Variants in NOL4 observed in about 807,000 individuals in gnomAD.
NOL4 encodes the protein nucleolar protein 4, also known as cancer/testis antigen 125.
A neutral mutation model predicts 75.9 loss-of-function variants in NOL4; 17 were observed. The ratio of observed to expected loss-of-function variants is 0.22; its 90% CI spans 0.15 to 0.34. The LOEUF (loss-of-function observed/expected upper bound fraction) is 0.34. Ranked by LOEUF, NOL4 falls within the 10% of genes least tolerant of loss-of-function variation. The pLI is 1.00. For synonymous variants in NOL4, 292 were observed against 289.9 expected (o/e 1.01, Z -0.07); for missense variants, 614 against 793.5 (o/e 0.77, Z 2.72).
At chr18:34,173,594 AT>A (rs1346829824) in intron 1 of NOL4, among the ~76,000 whole-genome samples, 1 of 152,164 alleles carries the variant, frequency 6.6e-6, no homozygotes, top group Non-Finnish European at 1.5e-5. Flanking sequence ...ATGAAAATAA[AT>A]AAGTAAGGAA....
At chr18:33,921,618 A>G (rs1203605237) in intron 9 of NOL4, among the ~76,000 whole-genome samples, 1 of 152,180 alleles carries the variant, frequency 6.6e-6, no homozygotes, top group Non-Finnish European at 1.5e-5. Context: ...GCCAAAAACC[A>G]AGGAATGTCT....
At chr18:33,883,549 T>A (rs906685651) in intron 9 of NOL4, 125 bp from the exon 10 acceptor site, 8 of 598,978 alleles carry the variant, frequency 1.3e-5, no homozygotes, top group Non-Finnish European at 2.0e-5. Flanking sequence ...GAATGTTAAG[T>A]AAGCACAGAT....
chr18:34,034,212 G>A (rs2075776691), intron 5 of NOL4, among the ~76,000 whole-genome samples: 1 of 151,992 alleles, frequency 6.6e-6, no homozygotes. Context: ...AAAAATAAAG[G>A]AACAAAGAAT....
intron 5 of NOL4, among the ~76,000 whole-genome samples, chr18:34,078,666 ATTAC>A (rs1197771453): frequency 6.6e-6 from 1 of 152,228 alleles, no homozygotes; most frequent in African/African-American, 2.4e-5. Context: ...TAATTCAATA[ATTAC>A]TTACATGGGA....
Position 33,862,473 on chromosome 18 carries a change from G to A in NOL4, c.1724-9438C>T, listed in dbSNP as rs532297136. 3.9e-5 allele frequency among the ~76,000 whole-genome samples: 6 copies of A among 152,226 alleles called. No homozygotes were observed. In the East Asian group the frequency reaches 1.2e-3, roughly 29 times the overall value. On this transcript the variant is annotated intron_variant, in intron 10 of 10. Transcript: ENST00000261592. ...CACAGCAAAAGAAACTACCATCAGAGTGAACCGGCAACGCACAAAATGGGA... is the reference window on the plus strand; with the variant it reads ...CACAGCAAAAGAAACTACCATCAGAATGAACCGGCAACGCACAAAATGGGA...
chr18:33,887,086 A>ATTTT (rs1235305433), intron 9 of NOL4, among the ~76,000 whole-genome samples: 2 of 140,660 alleles, frequency 1.4e-5, no homozygotes, highest in African/African-American at 5.2e-5. Flanking sequence ...ATCTATATAT[A>ATTTT]TTAGATATAG....
intron 1 of NOL4, among the ~76,000 whole-genome samples, chr18:34,176,540 A>G (rs1478267545): frequency 6.6e-6 from 1 of 152,098 alleles, no homozygotes; most frequent in Non-Finnish European, 1.5e-5. Context: ...TCATATGTTG[A>G]AGCCCTAACC....
intron 1 of NOL4, among the ~76,000 whole-genome samples, chr18:34,179,474 T>C (rs1294484800): frequency 6.6e-6 from 1 of 151,302 alleles, no homozygotes; most frequent in Admixed American, 6.6e-5. Flanking sequence ...CTAGAATAAA[T>C]TATTTTTAAA....
At chr18:33,887,546 T>C (rs536613464) in intron 9 of NOL4, among the ~76,000 whole-genome samples, 2 of 152,016 alleles carry the variant, frequency 1.3e-5, no homozygotes, top group Non-Finnish European at 2.9e-5. Flanking sequence ...CATTAGGTAT[T>C]TCTCCTAATG....
intron 1 of NOL4, among the ~76,000 whole-genome samples, chr18:34,188,167 C>T (rs1382306819): frequency 7.2e-5 from 11 of 152,056 alleles, no homozygotes. Context: ...ATCTTTTTGT[C>T]ATTAACTGAA....
intron 6 of NOL4, among the ~76,000 whole-genome samples, chr18:34,007,937 ATAGGGTGT>A (rs1415766638): frequency 6.6e-6 from 1 of 151,908 alleles, no homozygotes; most frequent in Admixed American, 6.6e-5. Context: ...AGACTGCGCT[ATAGGGTGT>A]TGAGATAGCT....
intron 1 of NOL4, among the ~76,000 whole-genome samples, chr18:34,192,270 G>T (rs1362910400): frequency 2.6e-5 from 4 of 152,088 alleles, no homozygotes; most frequent in Admixed American, 2.0e-4. Flanking sequence ...AGAGAATATT[G>T]TTAAAACATC....
intron 5 of NOL4, among the ~76,000 whole-genome samples, chr18:34,027,906 C>T (rs1473515183): frequency 2.0e-5 from 3 of 152,102 alleles, no homozygotes; most frequent in Non-Finnish European, 4.4e-5. Context: ...AAAGGATTCC[C>T]AGATAATGAG....
chr18:34,148,949 A>G (rs142407011), intron 1 of NOL4, among the ~76,000 whole-genome samples: 2 of 151,518 alleles, frequency 1.3e-5, no homozygotes, highest in East Asian at 3.9e-4. Flanking sequence ...AAAAATATAT[A>G]CAAACTATTT....
intron 1 of NOL4, among the ~76,000 whole-genome samples, chr18:34,143,315 A>G (rs1163594597): frequency 1.3e-5 from 2 of 152,222 alleles, no homozygotes; most frequent in Admixed American, 6.5e-5. Flanking sequence ...TGTGTAACAT[A>G]TAATTTATAA....
At chr18:33,993,906 G>T (rs1179801066) in intron 6 of NOL4, among the ~76,000 whole-genome samples, 1 of 151,526 alleles carries the variant, frequency 6.6e-6, no homozygotes, top group African/African-American at 2.4e-5. Flanking sequence ...TTTTTTAAAA[G>T]TGAAACACTT....
At chr18:33,862,205 C>G (rs992625452) in intron 10 of NOL4, among the ~76,000 whole-genome samples, 1 of 151,838 alleles carries the variant, frequency 6.6e-6, no homozygotes, top group Non-Finnish European at 1.5e-5. Context: ...GCTGGGAAAA[C>G]TGGCTAGCCA....
At chr18:34,161,237 T>C (rs924989575) in intron 1 of NOL4, among the ~76,000 whole-genome samples, 6 of 152,152 alleles carry the variant, frequency 3.9e-5, no homozygotes, top group African/African-American at 1.4e-4. Context: ...TAGGATGATA[T>C]CATATCTTGG....
chr18:34,222,947 G>A, intron 1 of NOL4, 43 bp downstream of exon 1: 1 of 1,592,442 alleles, frequency 6.3e-7, no homozygotes, highest in South Asian at 1.1e-5. Context: ...TCCCCGCCGG[G>A]CTGCTCCGGC....
Sources: gnomAD v4.1 joint callset for allele counts (sites outside exome capture counted in the v4.1 genomes callset) on GRCh38, gnomAD v4.1.1 for gene constraint, MANE v1.5 for transcripts, NCBI Gene and HGNC (gene_info 2026-07-23, HGNC 2026-07-21) for gene names.